Variants in MTUS2 observed in about 807,000 individuals in gnomAD.
MTUS2 encodes the protein microtubule-associated tumor suppressor candidate 2.
Under a neutral mutation model 114.1 loss-of-function variants are expected in MTUS2, and 40 were observed. The observed-to-expected ratio is 0.35, with a 90% CI of 0.27 to 0.46. MTUS2 has a LOEUF of 0.46. Ranked by LOEUF, MTUS2 falls within the 20% of genes least tolerant of loss-of-function variation. The pLI, the probability that MTUS2 is intolerant of heterozygous loss-of-function variation, is 1.00. For missense variants in MTUS2, 1,679 were observed against 1,705.4 expected (o/e 0.98, Z 0.27); for synonymous variants, 688 against 672.0 (o/e 1.02, Z -0.37).
intron 8 of MTUS2, among the ~76,000 whole-genome samples, chr13:29,389,469 A>ATACACGTGTGTGTG (rs1873013734): frequency 1.1e-5 from 1 of 89,882 alleles, no homozygotes; most frequent in Admixed American, 1.1e-4. Flanking sequence ...GTGTATGTGT[A>ATACACGTGTGTGTG]TATGTATACA....
intron 7 of MTUS2, among the ~76,000 whole-genome samples, chr13:29,325,553 GA>G (rs1900469258): frequency 1.3e-4 from 6 of 46,220 alleles, no homozygotes; most frequent in South Asian, 1.1e-3. Flanking sequence ...GAAGAAGGAA[GA>G]AGAGGAAGAA....
At chr13:28,906,313 C>A (rs1417313272) in intron 2 of MTUS2, among the ~76,000 whole-genome samples, 2 of 150,754 alleles carry the variant, frequency 1.3e-5, no homozygotes, top group Non-Finnish European at 3.0e-5. Flanking sequence ...AATGTGTTTG[C>A]TCTTGCTTTT....
At chr13:29,210,667 G>T (rs777102280) in intron 5 of MTUS2, among the ~76,000 whole-genome samples, 11 of 152,158 alleles carry the variant, frequency 7.2e-5, no homozygotes, top group Non-Finnish European at 1.5e-4. Context: ...GGCTTCCTGA[G>T]AGCTGAACTG....
chr13:29,174,513 G>A (rs977937218), intron 5 of MTUS2, among the ~76,000 whole-genome samples: 1 of 152,176 alleles, frequency 6.6e-6, no homozygotes, highest in African/African-American at 2.4e-5. Flanking sequence ...CACAGAAACA[G>A]GGTCTGGTTT....
Position 29,430,835 on chromosome 13 carries a change from C to T in MTUS2, c.3118-9148C>T, listed in dbSNP as rs1876941290. On this transcript the variant is annotated intron_variant, in intron 8 of 15. Coordinates refer to ENST00000612955, the MANE Select transcript of MTUS2 (RefSeq NM_001033602.4). ...CATTCCAACTTCAAACTCTAGAAAT[C>T]AGAATTCCCAAATCCCACAACAAAG... is the stretch of plus-strand genomic sequence containing the variant. Among the ~76,000 whole-genome samples, 3 of 152,164 alleles carry T rather than the reference C, an allele frequency of 2.0e-5. No individual in the cohort carries two copies. In the South Asian group the frequency reaches 6.2e-4, roughly 32 times the overall value.
rs541783538 is a variant in MTUS2 at position 29,276,897 on chromosome 13, C to CAAAT, written c.2645-4786_2645-4783dup. On this transcript the variant is annotated intron_variant, in intron 5 of 15. Coordinates refer to ENST00000612955, the MANE Select transcript of MTUS2 (RefSeq NM_001033602.4). ...TGGTGGACAGAGGGAGACTCCGTCT[C>CAAAT]AAATAAATAAATAAATAAATAAATG... Among the ~76,000 whole-genome samples the CAAAT allele has an allele frequency of 1.4e-3, 208 of 150,336 alleles. 1 individual carries two copies. The highest frequency in any genetic ancestry group is 3.4e-3 in the Middle Eastern group (1 of 292).
chr13:29,152,015 AT>A (rs968218422), intron 5 of MTUS2, among the ~76,000 whole-genome samples: 3 of 151,858 alleles, frequency 2.0e-5, no homozygotes, highest in Non-Finnish European at 2.9e-5. Flanking sequence ...TCTTCGATCG[AT>A]TTTGGCATCA....
chr13:28,982,358 AG>A (rs1353620639), intron 2 of MTUS2, among the ~76,000 whole-genome samples: 1 of 150,230 alleles, frequency 6.7e-6, no homozygotes, highest in African/African-American at 2.5e-5. Context: ...AAAAAAAAAA[AG>A]AAAATAGCAA....
intron 4 of MTUS2, among the ~76,000 whole-genome samples, chr13:29,070,125 G>C (rs1340818179): frequency 6.6e-6 from 1 of 152,156 alleles, no homozygotes; most frequent in Non-Finnish European, 1.5e-5. Flanking sequence ...ATATTTACTG[G>C]ACACCAGCTG....
intron 2 of MTUS2, among the ~76,000 whole-genome samples, chr13:28,908,149 T>G (rs1880165842): frequency 6.6e-6 from 1 of 151,656 alleles, no homozygotes; most frequent in Non-Finnish European, 1.5e-5. Flanking sequence ...TTTCTTTGTT[T>G]TTTTATTATA....
intron 4 of MTUS2, among the ~76,000 whole-genome samples, chr13:29,049,930 C>T (rs569766134): frequency 2.0e-5 from 3 of 152,336 alleles, no homozygotes; most frequent in Admixed American, 6.5e-5. Flanking sequence ...AAAGAGCCTG[C>T]GCCCCTCACA....
At chr13:29,317,681 ACCCG>A (rs1900060676) in intron 6 of MTUS2, among the ~76,000 whole-genome samples, 1 of 10,808 alleles carries the variant, frequency 9.3e-5, no homozygotes, top group Non-Finnish European at 2.6e-4. Context: ...CTCGTGATCC[ACCCG>A]CCTCGGCCTC....
rs978514588 is a variant in MTUS2, at chr13:28,879,325, G to A, written c.-243+39475G>A. On this transcript the variant is annotated intron_variant, in intron 2 of 15. Transcript: ENST00000612955. Reference sequence around the variant, plus strand: ...ATATGTTTTCCTTAAGTGCCTGCTGGTGGATAGGAAAACTCAAGTGAGAAT... The same window carrying A: ...ATATGTTTTCCTTAAGTGCCTGCTGATGGATAGGAAAACTCAAGTGAGAAT... Among the ~76,000 whole-genome samples the A allele has an allele frequency of 3.3e-5, 5 of 152,152 alleles. No individual in the cohort carries two copies. In the East Asian group the frequency reaches 7.7e-4, roughly 23 times the overall value.
At position 29,024,836 on chromosome 13, in the gene MTUS2, C is replaced by T; in HGVS notation, c.138C>T (p.Ser46=). 6.2e-7 allele frequency: 1 copy of T among 1,614,006 alleles called. No homozygotes were observed. The highest frequency in any genetic ancestry group is 8.5e-7 in the Non-Finnish European group (1 of 1,179,894). The change falls in exon 3 of 16, where the codon TCC becomes TCT. Residue 46 remains serine, a synonymous_variant. Coordinates refer to ENST00000612955, the MANE Select transcript of MTUS2 (RefSeq NM_001033602.4). ...ATCAAATCATGTTGGAGGTCAGCTC[C>T]TCTCATGACGAGTCCAAGACATGTG... is the stretch of plus-strand genomic sequence containing the variant. The part of the protein sequence containing the change: ...NANQIMLEVS[S]SHDESKTCDL...
chr13:29,008,003 A>G (rs1415961330), intron 2 of MTUS2, among the ~76,000 whole-genome samples: 3 of 152,208 alleles, frequency 2.0e-5, no homozygotes, highest in Non-Finnish European at 4.4e-5. Flanking sequence ...TTAGTGTACC[A>G]TGATGATCGG....
At position 29,092,663 on chromosome 13, in the gene MTUS2, C is replaced by T. The variant is rs184375053; in HGVS notation, c.2447-8110C>T. On this transcript the variant is annotated intron_variant, in intron 4 of 15. Transcript: ENST00000612955. ...GGCTGGTGCACAAGCCAGGCATGGCCCCGCCAGACGAGTGGATGGGGCACC... is the reference window on the plus strand; with the variant it reads ...GGCTGGTGCACAAGCCAGGCATGGCTCCGCCAGACGAGTGGATGGGGCACC... Among the ~76,000 whole-genome samples, 42 of 152,218 alleles carry T rather than the reference C, an allele frequency of 2.8e-4. No homozygotes were observed. In the East Asian group the frequency reaches 6.0e-3, roughly 22 times the overall value.
chr13:29,387,789 A>T (rs1005147179), intron 8 of MTUS2, among the ~76,000 whole-genome samples: 2 of 152,174 alleles, frequency 1.3e-5, no homozygotes, highest in South Asian at 2.1e-4. Flanking sequence ...TAATGCTCGC[A>T]TGGCAAAGCC....
chr13:28,880,085 T>C (rs930912880), intron 2 of MTUS2, among the ~76,000 whole-genome samples: 5 of 152,222 alleles, frequency 3.3e-5, no homozygotes, highest in Non-Finnish European at 1.5e-5. Flanking sequence ...TGTTGATACT[T>C]CTTTTCACCA....
chr13:29,055,498 T>C (rs9508240), intron 4 of MTUS2, among the ~76,000 whole-genome samples: 34,561 of 152,020 alleles, frequency 0.23, 4,721 homozygotes, highest in Non-Finnish European at 0.31. Context: ...TATGGGTAGT[T>C]TTTCAATCAT....
Sources: allele counts gnomAD v4.1 joint callset (sites outside exome capture counted in the v4.1 genomes callset), GRCh38; gene constraint gnomAD v4.1.1; transcripts MANE v1.5; gene names NCBI Gene and HGNC (gene_info 2026-07-23, HGNC 2026-07-21).